The following ZNF215 variants were observed in gnomAD, a reference collection of about 807,000 sequenced individuals.
ZNF215 encodes the protein BWSCR2-associated zinc finger protein 2.
In ZNF215, 24 loss-of-function variants were observed where a neutral mutation model predicts 27.2. The observed-to-expected ratio is 0.88, with a 90% CI of 0.64 to 1.24. The LOEUF (loss-of-function observed/expected upper bound fraction) is 1.24, where lower values mean the gene tolerates loss of function less well. Among genes scored for constraint, ZNF215 ranks in the 50% most tolerant of loss-of-function variants. The probability of loss-of-function intolerance (pLI) is 0.00; values close to 1 mark genes in which losing one functional copy is unlikely to be tolerated. For synonymous variants in ZNF215, 210 were observed against 204.0 expected (o/e 1.03, Z -0.25); for missense variants, 675 against 605.7 (o/e 1.11, Z -1.20).
chr11:6,977,246 C>T (rs1449240292), intron 5 of ZNF215, among the ~76,000 whole-genome samples: 1 of 151,974 alleles, frequency 6.6e-6, no homozygotes, highest in Non-Finnish European at 1.5e-5. Context: ...AATTGTGAGC[C>T]ATTCTGAGTA....
intron 5 of ZNF215, among the ~76,000 whole-genome samples, chr11:6,967,505 G>C (rs1186460376): frequency 6.6e-6 from 1 of 152,140 alleles, no homozygotes; most frequent in Non-Finnish European, 1.5e-5. Flanking sequence ...ATTCTAACTG[G>C]TGTGAGATGA....
intron 2 of ZNF215, among the ~76,000 whole-genome samples, chr11:6,928,859 A>G (rs1387761803): frequency 1.3e-5 from 2 of 152,134 alleles, no homozygotes; most frequent in Non-Finnish European, 2.9e-5. Flanking sequence ...CTGGTGGCTC[A>G]AAAGTGGAGC....
chr11:6,991,083 C>T (rs527580281), downstream of ZNF215, among the ~76,000 whole-genome samples: 44 of 152,324 alleles, frequency 2.9e-4, no homozygotes, highest in African/African-American at 9.6e-4. Flanking sequence ...GCTTTCCAGC[C>T]TCATCATGTG....
intron 3 of ZNF215, among the ~76,000 whole-genome samples, chr11:6,938,568 C>T (rs1033064935): frequency 6.6e-6 from 1 of 151,158 alleles, no homozygotes; most frequent in East Asian, 1.9e-4. Context: ...GAGTATTATT[C>T]TGCCATAAAA....
At chr11:6,940,865 A>G (rs552756847) in intron 3 of ZNF215, among the ~76,000 whole-genome samples, 12 of 152,258 alleles carry the variant, frequency 7.9e-5, no homozygotes, top group Admixed American at 2.0e-4. Flanking sequence ...AGTCCCTTAT[A>G]TTGAATAAAT....
intron 6 of ZNF215, among the ~76,000 whole-genome samples, chr11:6,947,388 T>A (rs188254156): frequency 5.9e-5 from 9 of 152,152 alleles, no homozygotes; most frequent in African/African-American, 2.2e-4. Context: ...ATGGCAAGAC[T>A]CCATCTCTAC....
intron 3 of ZNF215, among the ~76,000 whole-genome samples, chr11:6,941,241 G>A (rs998166468): frequency 2.0e-5 from 3 of 152,204 alleles, no homozygotes; most frequent in East Asian, 1.9e-4. Flanking sequence ...TGATGGCTAC[G>A]CTGTAGTTAG....
At chr11:6,963,307 A>G (rs958050925) in intron 5 of ZNF215, among the ~76,000 whole-genome samples, 3 of 151,976 alleles carry the variant, frequency 2.0e-5, no homozygotes, top group African/African-American at 7.2e-5. Context: ...AGGTGGTTTC[A>G]TAGAGTATAC....
At chr11:6,959,219 G>A (rs527823936), downstream of ZNF215, among the ~76,000 whole-genome samples, 3 of 152,244 alleles carry the variant, frequency 2.0e-5, no homozygotes, top group East Asian at 1.9e-4. Context: ...AAGGCAAAAC[G>A]AGGGGCACAA....
At chr11:6,942,532 C>T (rs979239751) in intron 4 of ZNF215, among the ~76,000 whole-genome samples, 4 of 152,090 alleles carry the variant, frequency 2.6e-5, no homozygotes, top group African/African-American at 9.7e-5. Context: ...GAAAATAATG[C>T]AGTAGTAACT....
At chr11:6,983,262 A>G (rs1850997614) in intron 5 of ZNF215, among the ~76,000 whole-genome samples, 2 of 152,168 alleles carry the variant, frequency 1.3e-5, no homozygotes, top group South Asian at 4.1e-4. Flanking sequence ...TGTGGCAATA[A>G]TCAATAGCTT....
At chr11:6,979,533 T>G (rs115087737) in intron 5 of ZNF215, among the ~76,000 whole-genome samples, 94 of 152,126 alleles carry the variant, frequency 6.2e-4, no homozygotes, top group African/African-American at 2.2e-3. Flanking sequence ...ATAAGCCAAA[T>G]AGTCCAATTA....
At chr11:6,941,240 C>T (rs929622715) in intron 3 of ZNF215, among the ~76,000 whole-genome samples, 8 of 152,134 alleles carry the variant, frequency 5.3e-5, no homozygotes, top group Non-Finnish European at 1.0e-4. Context: ...GTGATGGCTA[C>T]GCTGTAGTTA....
At position 6,926,532 on chromosome 11, in the gene ZNF215, G is replaced by C. The variant is rs1305420444; in HGVS notation, c.-479G>C. 1 of 152,338 alleles carries C rather than the reference G, an allele frequency of 6.6e-6. No individual in the cohort carries two copies. The highest frequency in any genetic ancestry group is 1.5e-5 in the Non-Finnish European group (1 of 68,136). The allele number at this position is 152,338 out of a possible 1,614,324, so 9.4% of individuals were successfully genotyped here. A position where few individuals can be genotyped will look rare whatever the true frequency, so the allele number is the denominator to read the frequency against. The stretch of plus-strand genomic sequence containing the variant: ...TGGTGCGCGTGCGCAAGAGTGCGTC[G>C]AGGTTGTTCCGCGGCAATTTATGAA... On this transcript the variant is annotated 5_prime_UTR_variant, in exon 1 of 7. Transcript: ENST00000278319.
At chr11:6,964,639 A>G (rs1850580928) in intron 5 of ZNF215, among the ~76,000 whole-genome samples, 1 of 150,576 alleles carries the variant, frequency 6.6e-6, no homozygotes, top group African/African-American at 2.4e-5. Context: ...CTCTTGATTA[A>G]TGAATATTTA....
chr11:6,938,250 C>G (rs1394389386), intron 3 of ZNF215, among the ~76,000 whole-genome samples: 1 of 151,934 alleles, frequency 6.6e-6, no homozygotes, highest in Non-Finnish European at 1.5e-5. Context: ...TGTTCAGGAT[C>G]ATTAGTCATT....
chr11:6,952,251 T>C (rs190688516), intron 6 of ZNF215, among the ~76,000 whole-genome samples: 1,995 of 152,320 alleles, frequency 0.013, 15 homozygotes, highest in Non-Finnish European at 0.017. Flanking sequence ...CTATTAGGTC[T>C]GCTTGGTGCA....
At chr11:6,936,930 G>A (rs1191675565) in intron 3 of ZNF215, among the ~76,000 whole-genome samples, 1 of 149,646 alleles carries the variant, frequency 6.7e-6, no homozygotes, top group Non-Finnish European at 1.5e-5. Context: ...CACTCAGCCT[G>A]ACAAAGGACA....
At chr11:6,980,618 T>C (rs1390131713) in intron 5 of ZNF215, among the ~76,000 whole-genome samples, 1 of 151,596 alleles carries the variant, frequency 6.6e-6, no homozygotes. Context: ...TTATTATTAT[T>C]ATTATTATAC....
Sources: gnomAD v4.1 joint callset for allele counts (sites outside exome capture counted in the v4.1 genomes callset) on GRCh38, gnomAD v4.1.1 for gene constraint, MANE v1.5 for transcripts, NCBI Gene and HGNC (gene_info 2026-07-23, HGNC 2026-07-21) for gene names.